The following PTGFR variants were observed in gnomAD, a reference collection of about 807,000 sequenced individuals.
PTGFR encodes prostaglandin F receptor, also known as prostaglandin F2-alpha receptor.
PTGFR carries 15 observed loss-of-function variants against 26.2 expected under a neutral mutation model. That is an observed-to-expected ratio of 0.57 (90% CI 0.38 to 0.88). The LOEUF is 0.88. Ranked by LOEUF, PTGFR falls within the 40% of genes least tolerant of loss-of-function variation. PTGFR has a pLI of 0.00. For missense variants in PTGFR, 369 were observed against 427.2 expected, an observed-to-expected ratio of 0.86 and a Z score of 1.20; for synonymous variants, 165 against 151.1, an observed-to-expected ratio of 1.09 and a Z score of -0.68.
At chr1:78,494,241 A>G (rs1052719249) in intron 2 of PTGFR, among the ~76,000 whole-genome samples, 1 of 152,250 alleles carries the variant, frequency 6.6e-6, no homozygotes, top group East Asian at 1.9e-4. Context: ...AACATAAATC[A>G]TATCACTTTC....
At position 78,517,284 on chromosome 1, in the gene PTGFR, G is replaced by C. The variant is rs182617424; in HGVS notation, c.799-19122G>C. Among the ~76,000 whole-genome samples, 221 of 152,258 alleles carry C rather than the reference G, an allele frequency of 1.5e-3. 1 individual carries two copies. Among genetic ancestry groups the C allele is most frequent in the African/African-American group, 5.2e-3 (215 of 41,556 alleles). On this transcript the variant is annotated intron_variant, in intron 2 of 2. Transcript: ENST00000370757. ...TACTGTTCTAGATGCTAGGACAGTG[G>C]TGCTGGCTGTGTTGCTGAACAAGGC...
rs941411092 is a variant in PTGFR, at chr1:78,538,681, C to T, written c.*1994C>T. 1 of 152,000 alleles carries T rather than the reference C, an allele frequency of 6.6e-6. No individual in the cohort carries two copies. Among genetic ancestry groups the T allele is most frequent in the African/African-American group, 2.4e-5 (1 of 41,396 alleles). 9.4% of individuals were successfully genotyped at this position (152,000 alleles called of 1,614,324 possible). On this transcript the variant is annotated 3_prime_UTR_variant, in exon 3 of 3. Transcript: ENST00000370757. ...GTGTTGCATGTAGCTTGGCGATTTA[C>T]TGTGTAATGAATAATAGACTGGAAC...
At chr1:78,491,459 G>A (rs947723133) in intron 1 of PTGFR, among the ~76,000 whole-genome samples, 3 of 152,214 alleles carry the variant, frequency 2.0e-5, no homozygotes, top group Non-Finnish European at 4.4e-5. Context: ...TGGGTAGAAA[G>A]GGTCTCAGAA....
At chr1:78,492,336 A>G (rs1465360188) in intron 1 of PTGFR, among the ~76,000 whole-genome samples, 10 of 152,100 alleles carry the variant, frequency 6.6e-5, no homozygotes. Flanking sequence ...AAAAAATCTT[A>G]TTGGGTTTAA....
chr1:78,532,750 C>A (rs550060682), intron 2 of PTGFR, among the ~76,000 whole-genome samples: 2 of 151,522 alleles, frequency 1.3e-5, no homozygotes, highest in East Asian at 3.9e-4. Flanking sequence ...TCATTAATAT[C>A]GAGTCACAGA....
In PTGFR at chr1:78,540,520, A is replaced by T. The variant is rs2100412842; in HGVS notation, c.*3833A>T. The stretch of plus-strand genomic sequence containing the variant: ...AAGCATGGTCTTGTAATCTGTAAAG[A>T]TAAGGTAGAATAAATGAACTAAAAG... On this transcript the variant is annotated 3_prime_UTR_variant, in exon 3 of 3. Transcript: ENST00000370757. Among the ~76,000 whole-genome samples, 1 of 152,252 alleles carries T rather than the reference A, an allele frequency of 6.6e-6. No individual in the cohort carries two copies. Among genetic ancestry groups the T allele is most frequent in the Middle Eastern group, 3.4e-3 (1 of 294 alleles).
chr1:78,534,139 A>G (rs1401180273), intron 2 of PTGFR, among the ~76,000 whole-genome samples: 2 of 152,174 alleles, frequency 1.3e-5, no homozygotes, highest in Non-Finnish European at 2.9e-5. Flanking sequence ...TTAGAAAATA[A>G]CCCATATTCC....
chr1:78,532,751 G>A (rs568163327), intron 2 of PTGFR, among the ~76,000 whole-genome samples: 5 of 151,444 alleles, frequency 3.3e-5, no homozygotes, highest in African/African-American at 9.7e-5. Context: ...CATTAATATC[G>A]AGTCACAGAT....
intron 2 of PTGFR, among the ~76,000 whole-genome samples, chr1:78,534,389 A>C (rs1650595022): frequency 6.6e-6 from 1 of 152,184 alleles, no homozygotes; most frequent in African/African-American, 2.4e-5. Flanking sequence ...TGCCAGCCTT[A>C]TCAGGGCTTC....
intron 2 of PTGFR, among the ~76,000 whole-genome samples, chr1:78,506,528 C>T (rs1343728791): frequency 6.6e-6 from 1 of 151,738 alleles, no homozygotes; most frequent in Non-Finnish European, 1.5e-5. Context: ...GATGATTTAA[C>T]ATTATTTCAG....
intron 2 of PTGFR, among the ~76,000 whole-genome samples, chr1:78,533,666 A>G (rs2100403037): frequency 6.6e-6 from 1 of 152,322 alleles, no homozygotes; most frequent in African/African-American, 2.4e-5. Flanking sequence ...ATGGAAGCAT[A>G]ATTATCAAAT....
intron 2 of PTGFR, among the ~76,000 whole-genome samples, chr1:78,523,323 C>G (rs973603391): frequency 1.3e-5 from 2 of 152,136 alleles, no homozygotes; most frequent in Non-Finnish European, 2.9e-5. Flanking sequence ...TTAATTTGCA[C>G]ATTTCCTTCC....
At chr1:78,499,229 A>G (rs1236284736) in intron 2 of PTGFR, among the ~76,000 whole-genome samples, 1 of 152,040 alleles carries the variant, frequency 6.6e-6, no homozygotes, top group African/African-American at 2.4e-5. Context: ...TGTTCTCTCA[A>G]ATATCCCCTC....
chr1:78,515,546 T>C (rs1184476477), intron 2 of PTGFR, among the ~76,000 whole-genome samples: 1 of 152,238 alleles, frequency 6.6e-6, no homozygotes, highest in African/African-American at 2.4e-5. Flanking sequence ...CTAAAAAGAA[T>C]ATGTTACTAC....
At chr1:78,525,425 C>G (rs1209912385) in intron 2 of PTGFR, among the ~76,000 whole-genome samples, 4 of 151,858 alleles carry the variant, frequency 2.6e-5, no homozygotes, top group Admixed American at 2.6e-4. Flanking sequence ...AAATTAGGAC[C>G]AGTCAAAAGA....
At chr1:78,514,456 G>A (rs892434852) in intron 2 of PTGFR, among the ~76,000 whole-genome samples, 4 of 152,160 alleles carry the variant, frequency 2.6e-5, no homozygotes, top group African/African-American at 9.7e-5. Context: ...TTTGGAATGG[G>A]AATGTAAACC....
chr1:78,493,893 C>G (rs530397399), intron 2 of PTGFR, among the ~76,000 whole-genome samples: 1 of 152,278 alleles, frequency 6.6e-6, no homozygotes, highest in South Asian at 2.1e-4. Context: ...TGCAGTAAGT[C>G]TTGATAGAAA....
intron 2 of PTGFR, among the ~76,000 whole-genome samples, chr1:78,521,987 C>A (rs1650253609): frequency 6.6e-6 from 1 of 152,084 alleles, no homozygotes; most frequent in Non-Finnish European, 1.5e-5. Context: ...CAACTGAGTT[C>A]TCTGCTCAGG....
Position 78,511,281 on chromosome 1 carries a change from C to T in PTGFR, c.798+17740C>T, listed in dbSNP as rs139932067. 5.1e-3 allele frequency among the ~76,000 whole-genome samples: 779 copies of T among 152,342 alleles called. 3 individuals carry two copies. Among genetic ancestry groups the T allele is most frequent in the Admixed American group, 0.013 (192 of 15,304 alleles). ...TTCTGTGGGGGCCCTTCCCCTGCAG[C>T]AGTCTTCTGCCTGGGCACCCAGCCT... is the stretch of plus-strand genomic sequence containing the variant. On this transcript the variant is annotated intron_variant, in intron 2 of 2. Transcript: ENST00000370757.
Sources: gnomAD v4.1 joint callset for allele counts (sites outside exome capture counted in the v4.1 genomes callset) on GRCh38, gnomAD v4.1.1 for gene constraint, MANE v1.5 for transcripts, NCBI Gene and HGNC (gene_info 2026-07-23, HGNC 2026-07-21) for gene names.